The following AUTS2 variants were observed in gnomAD, a reference collection of about 807,000 sequenced individuals.
The protein encoded by AUTS2 is autism susceptibility gene 2 protein.
A neutral mutation model predicts 112.4 loss-of-function variants in AUTS2; 17 were observed. That is an observed-to-expected ratio of 0.15 (90% CI 0.10 to 0.23). The LOEUF (loss-of-function observed/expected upper bound fraction) is 0.23, where lower values mean the gene tolerates loss of function less well. Among genes scored for constraint, AUTS2 ranks in the 10% least tolerant of loss-of-function variants. The probability of loss-of-function intolerance (pLI) is 1.00; values close to 1 mark genes in which losing one functional copy is unlikely to be tolerated. For missense variants in AUTS2, 1,510 were observed against 1,701.6 expected, an observed-to-expected ratio of 0.89 and a Z score of 1.98; for synonymous variants, 751 against 702.7, an observed-to-expected ratio of 1.07 and a Z score of -1.09.
chr7:70,695,270 CCGGCCGGGCT>C (rs1319325722), intron 5 of AUTS2, among the ~76,000 whole-genome samples: 1 of 152,172 alleles, frequency 6.6e-6, no homozygotes, highest in African/African-American at 2.4e-5. Context: ...CCTCCCTCGG[CCGGCCGGGCT>C]CGGCCGGAGC....
intron 1 of AUTS2, among the ~76,000 whole-genome samples, chr7:69,728,216 C>T (rs1786610973): frequency 6.6e-6 from 1 of 152,156 alleles, no homozygotes; most frequent in Non-Finnish European, 1.5e-5. Flanking sequence ...AGTTCCCTCT[C>T]CCTGGGGCAC....
intron 4 of AUTS2, among the ~76,000 whole-genome samples, chr7:70,382,120 TCAA>T (rs1585081489): frequency 2.6e-5 from 4 of 152,308 alleles, no homozygotes; most frequent in South Asian, 4.1e-4. Flanking sequence ...TGTCTCAAGC[TCAA>T]CGTGTCTGTA....
intron 1 of AUTS2, among the ~76,000 whole-genome samples, chr7:69,707,649 G>A (rs956833489): frequency 1.3e-5 from 2 of 152,266 alleles, no homozygotes; most frequent in East Asian, 3.9e-4. Context: ...CTGGATGCTA[G>A]GGATATATTT....
In AUTS2 at chr7:70,345,118, G is replaced by A. The variant is rs1791436965; in HGVS notation, c.661-90634G>A. 9.8e-5 allele frequency among the ~76,000 whole-genome samples: 15 copies of A among 152,292 alleles called. No individual in the cohort carries two copies. In the South Asian group the frequency reaches 3.1e-3, roughly 32 times the overall value. On this transcript the variant is annotated intron_variant, in intron 4 of 18. Transcript: ENST00000342771. Reference sequence around the variant, plus strand: ...ATTACCTACAGTCTGAAAGAATTTTGTAGGGAGTGTGTGGTATTCTGCAGA... The same window carrying A: ...ATTACCTACAGTCTGAAAGAATTTTATAGGGAGTGTGTGGTATTCTGCAGA...
intron 2 of AUTS2, among the ~76,000 whole-genome samples, chr7:70,057,262 A>G (rs953834017): frequency 1.3e-5 from 2 of 152,092 alleles, no homozygotes; most frequent in Non-Finnish European, 2.9e-5. Flanking sequence ...TTGTCATTCT[A>G]TCACATGCCG....
chr7:70,178,875 C>T (rs1310389963), intron 4 of AUTS2, among the ~76,000 whole-genome samples: 1 of 152,092 alleles, frequency 6.6e-6, no homozygotes, highest in African/African-American at 2.4e-5. Flanking sequence ...TTATGGATGT[C>T]TTTTGGAATG....
At chr7:70,098,514 C>G (rs1420159522) in intron 2 of AUTS2, among the ~76,000 whole-genome samples, 1 of 151,980 alleles carries the variant, frequency 6.6e-6, no homozygotes, top group Non-Finnish European at 1.5e-5. Flanking sequence ...AGCCATGCAG[C>G]TGTTGCCATG....
At chr7:70,473,584 TGG>T (rs1797471128) in intron 5 of AUTS2, among the ~76,000 whole-genome samples, 1 of 152,144 alleles carries the variant, frequency 6.6e-6, no homozygotes, top group Non-Finnish European at 1.5e-5. Context: ...TCGTATCCTG[TGG>T]GGGCAACTTG....
chr7:69,742,131 G>A (rs1178634951), intron 1 of AUTS2, among the ~76,000 whole-genome samples: 2 of 88,438 alleles, frequency 2.3e-5, no homozygotes, highest in East Asian at 6.4e-4. Flanking sequence ...TTTTTTTTTT[G>A]AGGGGGGAGG....
intron 4 of AUTS2, among the ~76,000 whole-genome samples, chr7:70,378,227 T>G (rs1469139859): frequency 6.6e-6 from 1 of 152,212 alleles, no homozygotes; most frequent in Non-Finnish European, 1.5e-5. Context: ...TTTTCTCTAT[T>G]GTGAATAATG....
intron 5 of AUTS2, among the ~76,000 whole-genome samples, chr7:70,660,378 G>A (rs7791363): frequency 0.68 from 103,127 of 151,914 alleles, 36,637 homozygotes; most frequent in African/African-American, 0.88. Context: ...CCAGGGCCCG[G>A]TCGCCATCTG....
chr7:70,246,679 C>T (rs145671350), intron 4 of AUTS2, among the ~76,000 whole-genome samples: 343 of 152,010 alleles, frequency 2.3e-3, no homozygotes, highest in Non-Finnish European at 4.0e-3. Context: ...TGACTCTTGT[C>T]TTACTACTCT....
intron 1 of AUTS2, among the ~76,000 whole-genome samples, chr7:69,600,439 G>GTGTGTC (rs1792327121): frequency 1.3e-5 from 2 of 148,790 alleles, no homozygotes; most frequent in African/African-American, 2.5e-5. Context: ...GTGTGTGTGT[G>GTGTGTC]TGTCTGTGTA....
At chr7:70,576,086 T>C (rs1802152082) in intron 5 of AUTS2, among the ~76,000 whole-genome samples, 1 of 152,176 alleles carries the variant, frequency 6.6e-6, no homozygotes, top group Non-Finnish European at 1.5e-5. Flanking sequence ...ATTTCCCTAA[T>C]TGACCCCCTA....
chr7:70,330,958 G>A (rs1790717449), intron 4 of AUTS2, among the ~76,000 whole-genome samples: 1 of 151,906 alleles, frequency 6.6e-6, no homozygotes, highest in African/African-American at 2.4e-5. Flanking sequence ...AAAAACAGCT[G>A]GTTGAGAATT....
At position 69,927,246 on chromosome 7, in the gene AUTS2, A is replaced by G. The variant is rs187289292; in HGVS notation, c.522+27748A>G. Among the ~76,000 whole-genome samples the G allele has an allele frequency of 2.5e-3, 366 of 148,918 alleles. 2 individuals are homozygous for G. The highest frequency in any genetic ancestry group is 8.4e-3 in the African/African-American group (345 of 40,896). Reference sequence around the variant, plus strand: ...CTTTAATTTACAGTGGTCTACCTTCACATGATGTTATATCACTTCATGAAT... The same window carrying G: ...CTTTAATTTACAGTGGTCTACCTTCGCATGATGTTATATCACTTCATGAAT... On this transcript the variant is annotated intron_variant, in intron 2 of 18. Coordinates refer to ENST00000342771, the MANE Select transcript of AUTS2 (RefSeq NM_015570.4).
chr7:69,739,852 C>T (rs1317399668), intron 1 of AUTS2, among the ~76,000 whole-genome samples: 3 of 152,172 alleles, frequency 2.0e-5, no homozygotes, highest in African/African-American at 7.2e-5. Flanking sequence ...AGAATGGTGG[C>T]TGTTGTAAAC....
intron 17 of AUTS2, chr7:70,786,944 T>G: frequency 2.0e-5 from 11 of 536,956 alleles, no homozygotes; most frequent in East Asian, 3.4e-5. Flanking sequence ...TCAGTACCCA[T>G]TTGGTCCCTT....
At chr7:69,838,170 T>TGTGCATTTG (rs1791810334) in intron 1 of AUTS2, among the ~76,000 whole-genome samples, 4 of 152,328 alleles carry the variant, frequency 2.6e-5, no homozygotes, top group African/African-American at 9.6e-5. Flanking sequence ...TTTGGCATTT[T>TGTGCATTTG]GTGCATTTGG....
Sources: allele counts gnomAD v4.1 joint callset (sites outside exome capture counted in the v4.1 genomes callset), GRCh38; gene constraint gnomAD v4.1.1; transcripts MANE v1.5; gene names NCBI Gene and HGNC (gene_info 2026-07-23, HGNC 2026-07-21).